DLGAP1: variants seen among roughly 807,000 people sequenced by gnomAD.
DLGAP1 encodes disks large-associated protein 1.
Under a neutral mutation model 90.8 loss-of-function variants are expected in DLGAP1, and 11 were observed. That is an observed-to-expected ratio of 0.12 (90% confidence interval 0.08 to 0.20). The LOEUF is 0.20. DLGAP1 is among the 10% of genes least tolerant of loss of function. DLGAP1 has a pLI of 1.00. For synonymous variants in DLGAP1, 558 were observed against 540.7 expected (o/e 1.03, Z -0.44); for missense variants, 1,050 against 1,333.8 (o/e 0.79, Z 3.31).
At chr18:4,258,010 T>C (rs576861090) in intron 1 of DLGAP1, among the ~76,000 whole-genome samples, 4,039 of 137,058 alleles carry the variant, frequency 0.029, 84 homozygotes, top group Admixed American at 0.056. Flanking sequence ...TGTGTGTGTG[T>C]GCGCGCGCGC....
At chr18:3,894,233 A>T (rs1039402217) in intron 3 of DLGAP1, among the ~76,000 whole-genome samples, 3 of 151,970 alleles carry the variant, frequency 2.0e-5, no homozygotes, top group African/African-American at 7.2e-5. Context: ...CCATTTGTTT[A>T]TTTTTTGTTT....
At chr18:4,068,237 C>T (rs148187718) in intron 2 of DLGAP1, among the ~76,000 whole-genome samples, 1 of 151,838 alleles carries the variant, frequency 6.6e-6, no homozygotes, top group Non-Finnish European at 1.5e-5. Context: ...TAGTTCTTTA[C>T]TACTGTATCT....
chr18:3,779,941 C>A (rs9949816), intron 5 of DLGAP1, among the ~76,000 whole-genome samples: 2 of 152,004 alleles, frequency 1.3e-5, no homozygotes, highest in African/African-American at 2.4e-5. Context: ...CACGCCACCA[C>A]GTCCAGCTAA....
chr18:3,650,785 C>G (rs1055205243), intron 7 of DLGAP1, among the ~76,000 whole-genome samples: 2 of 152,224 alleles, frequency 1.3e-5, no homozygotes, highest in Non-Finnish European at 2.9e-5. Context: ...AATGTTGAAA[C>G]TGGCCAGGCA....
At chr18:3,602,911 G>GTGCTGGACTCT (rs2057140531) in intron 7 of DLGAP1, 2 of 152,206 alleles carry the variant, frequency 1.3e-5, no homozygotes, top group Non-Finnish European at 2.9e-5. Flanking sequence ...GCTGGACTGT[G>GTGCTGGACTCT]GTTGAGACTT....
At chr18:4,304,737 C>T (rs2080207250) in intron 1 of DLGAP1, among the ~76,000 whole-genome samples, 1 of 152,144 alleles carries the variant, frequency 6.6e-6, no homozygotes, top group South Asian at 2.1e-4. Context: ...TCGAGACCAG[C>T]CTGGCCAACA....
At chr18:3,954,833 G>A (rs1396949030) in intron 3 of DLGAP1, among the ~76,000 whole-genome samples, 1 of 152,210 alleles carries the variant, frequency 6.6e-6, no homozygotes, top group Non-Finnish European at 1.5e-5. Flanking sequence ...TGCGGACAAT[G>A]AAGGGACAGT....
At chr18:3,987,774 C>T (rs1281457108) in intron 3 of DLGAP1, among the ~76,000 whole-genome samples, 1 of 151,894 alleles carries the variant, frequency 6.6e-6, no homozygotes. Context: ...TTTTAAAGAG[C>T]GTTTTGTCTT....
chr18:3,706,374 G>T (rs200947414), intron 7 of DLGAP1, among the ~76,000 whole-genome samples: 2 of 152,284 alleles, frequency 1.3e-5, no homozygotes, highest in East Asian at 3.9e-4. Context: ...CCTGAAGCTT[G>T]CAGGGTGATG....
chr18:4,428,945 T>C (rs1429906532), intron 1 of DLGAP1, among the ~76,000 whole-genome samples: 1 of 152,148 alleles, frequency 6.6e-6, no homozygotes, highest in Admixed American at 6.5e-5. Context: ...CAATCTATAA[T>C]GTAAGCCGGG....
intron 3 of DLGAP1, among the ~76,000 whole-genome samples, chr18:3,969,596 T>A (rs1356720235): frequency 6.6e-6 from 1 of 152,200 alleles, no homozygotes; most frequent in East Asian, 1.9e-4. Context: ...AGAAAAACTG[T>A]GGCCCAAGTT....
chr18:3,909,548 TTTTA>T (rs565680902), intron 3 of DLGAP1, among the ~76,000 whole-genome samples: 404 of 151,438 alleles, frequency 2.7e-3, no homozygotes, highest in Non-Finnish European at 4.9e-3. Flanking sequence ...CTTTTGATTT[TTTTA>T]TTAATTAGTG....
intron 1 of DLGAP1, among the ~76,000 whole-genome samples, chr18:4,173,197 C>A (rs372475012): frequency 1.3e-5 from 2 of 152,272 alleles, no homozygotes; most frequent in Middle Eastern, 3.4e-3. Flanking sequence ...AGCTGAAGAA[C>A]CAAGAGCCTA....
chr18:3,791,375 T>A (rs1331878602), intron 5 of DLGAP1, among the ~76,000 whole-genome samples: 4 of 152,182 alleles, frequency 2.6e-5, no homozygotes, highest in Admixed American at 6.5e-5. Context: ...TCATATACAG[T>A]TGTTACTACA....
chr18:3,703,860 G>A (rs1418026557), intron 7 of DLGAP1, among the ~76,000 whole-genome samples: 4 of 152,032 alleles, frequency 2.6e-5, no homozygotes, highest in Non-Finnish European at 5.9e-5. Context: ...CGGTTTTTGC[G>A]AAGAGAATTT....
Position 3,502,622 on chromosome 18 carries a change from G to T in DLGAP1, c.2595C>A (p.Pro865=). The change falls in exon 12 of 13, where the codon CCC becomes CCA. Residue 865 remains proline, a synonymous_variant. Coordinates refer to ENST00000315677, the MANE Select transcript of DLGAP1 (RefSeq NM_004746.4). ...AAAACCCCGCCAAATCCTGGGAGGT[G>T]GGTCTTGGATGAGCATTAGGATTCT... ...ENLNPNAHPR[P]TSQDLAGFWD... 1.9e-6 allele frequency: 3 copies of T among 1,614,028 alleles called. No homozygotes were observed. Among genetic ancestry groups the T allele is most frequent in the Non-Finnish European group, 2.5e-6 (3 of 1,179,986 alleles).
At chr18:3,670,169 A>T (rs530443058) in intron 7 of DLGAP1, among the ~76,000 whole-genome samples, 3 of 152,366 alleles carry the variant, frequency 2.0e-5, no homozygotes, top group African/African-American at 7.2e-5. Context: ...GATCGTTTTA[A>T]CTACCGTCTT....
At chr18:3,840,656 C>G (rs1490156173) in intron 4 of DLGAP1, among the ~76,000 whole-genome samples, 1 of 152,180 alleles carries the variant, frequency 6.6e-6, no homozygotes, top group Non-Finnish European at 1.5e-5. Flanking sequence ...TCTGGAGCCT[C>G]TATTCCACTA....
chr18:4,212,628 C>T (rs1166654691), intron 1 of DLGAP1, among the ~76,000 whole-genome samples: 2 of 88,592 alleles, frequency 2.3e-5, no homozygotes, highest in African/African-American at 6.8e-5. Context: ...GAGACTCCAT[C>T]TCAAAAAAAA....
Sources: allele counts gnomAD v4.1 joint callset (sites outside exome capture counted in the v4.1 genomes callset), GRCh38; gene constraint gnomAD v4.1.1; transcripts MANE v1.5; gene names NCBI Gene and HGNC (gene_info 2026-07-23, HGNC 2026-07-21).